DEPDC5: variants seen among roughly 807,000 people sequenced by gnomAD.
The protein encoded by DEPDC5 is DEP domain containing 5, GATOR1 subcomplex subunit, also known as GATOR1 complex protein DEPDC5.
DEPDC5 carries 73 observed loss-of-function variants against 217.3 expected under a neutral mutation model. The ratio of observed to expected loss-of-function variants is 0.34; its 90% confidence interval spans 0.28 to 0.41. DEPDC5 has a LOEUF of 0.41. Among genes scored for constraint, DEPDC5 ranks in the 10% least tolerant of loss-of-function variants. DEPDC5 has a pLI of 1.00. For missense variants in DEPDC5, 1,675 were observed against 2,070.1 expected (o/e 0.81, Z 3.70); for synonymous variants, 733 against 756.7 (o/e 0.97, Z 0.51).
intron 38 of DEPDC5, among the ~76,000 whole-genome samples, chr22:31,891,620 G>A (rs113222174): frequency 8.5e-5 from 13 of 152,254 alleles, no homozygotes; most frequent in African/African-American, 2.9e-4. Context: ...ACCCACTCAG[G>A]GCTTCTATCT....
intron 8 of DEPDC5, among the ~76,000 whole-genome samples, chr22:31,783,229 A>G (rs1000372482): frequency 6.6e-5 from 10 of 152,222 alleles, no homozygotes; most frequent in African/African-American, 2.2e-4. Context: ...CCCAGCCAGC[A>G]GCGGCAGCCC....
At chr22:31,784,018 AG>A in intron 9 of DEPDC5, 33 bp downstream of exon 9, 1 of 1,569,612 alleles carries the variant, frequency 6.4e-7, no homozygotes, top group Non-Finnish European at 8.6e-7. Context: ...GTAACTGCTA[AG>A]GGGAGAATTT....
Position 31,808,932 on chromosome 22 carries a change from A to AAT in DEPDC5, c.1288-667_1288-666dup, listed in dbSNP as rs971102846. ...AAGTTTTCAGGGTCCTGAAAGATTAAATATATATATATAAAAATAGAGATG... is the reference window on the plus strand; with the variant it reads ...AAGTTTTCAGGGTCCTGAAAGATTAAATATATATATATATAAAAATAGAGATG... On this transcript the variant is annotated intron_variant, in intron 18 of 42. Coordinates refer to ENST00000651528, the MANE Select transcript of DEPDC5 (RefSeq NM_001242896.3). 6.9e-4 allele frequency among the ~76,000 whole-genome samples: 104 copies of AAT among 151,808 alleles called. 1 individual carries two copies. Among genetic ancestry groups the AAT allele is most frequent in the African/African-American group, 2.3e-3 (96 of 41,408 alleles).
At chr22:31,882,357 G>A (rs1035825829) in intron 38 of DEPDC5, among the ~76,000 whole-genome samples, 1 of 152,146 alleles carries the variant, frequency 6.6e-6, no homozygotes, top group East Asian at 1.9e-4. Context: ...TCCCCTCGGG[G>A]TTACTTTCTG....
At chr22:31,837,362 T>C (rs1049104373) in intron 26 of DEPDC5, 179 of 619,574 alleles carry the variant, frequency 2.9e-4, no homozygotes, top group Non-Finnish European at 4.2e-4. Context: ...CTTTTTTTTT[T>C]TTAACTGAGA....
intron 7 of DEPDC5, among the ~76,000 whole-genome samples, chr22:31,771,030 T>G (rs1290441702): frequency 1.3e-5 from 2 of 152,046 alleles, no homozygotes; most frequent in African/African-American, 4.8e-5. Context: ...TGATCCCGCC[T>G]CCTCAGCCTC....
In DEPDC5 at chr22:31,906,774, G is replaced by T. The variant is rs1461224149; in HGVS notation, c.*277G>T. On this transcript the variant is annotated 3_prime_UTR_variant, in exon 43 of 43. Transcript: ENST00000651528. This position sits in a 1 kb window ranked among gnomAD's most constrained non-coding sequence, Gnocchi z 5.1. ...CAGGTGGGAGGCACAGATTGTCCGT[G>T]GGAGGGCTCCAGTGTCTGGGAAGAG... 3.8e-6 allele frequency: 2 copies of T among 531,296 alleles called. No homozygotes were observed. Among genetic ancestry groups the T allele is most frequent in the Non-Finnish European group, 6.7e-6 (2 of 297,416 alleles). The allele number at this position is 531,296 out of a possible 1,614,324, so 32.9% of individuals were successfully genotyped here.
chr22:31,774,085 A>G (rs758194159), intron 7 of DEPDC5, among the ~76,000 whole-genome samples: 21 of 152,116 alleles, frequency 1.4e-4, no homozygotes, highest in Admixed American at 3.3e-4. Context: ...AAAACAAAAC[A>G]AAACAACAAC....
In DEPDC5 at chr22:31,843,567, A is replaced by T. The variant is rs564183216; in HGVS notation, c.2634-78A>T. ...AAATGTCAAGGATGGTTCTAAGTGT[A>T]TAGAGATAGAAAATAAGAATTGGCA... On this transcript the variant is annotated intron_variant, in intron 28 of 42. Coordinates refer to ENST00000651528, the MANE Select transcript of DEPDC5 (RefSeq NM_001242896.3). 625 of 1,516,078 alleles carry T rather than the reference A, an allele frequency of 4.1e-4. 1 individual carries two copies. Among genetic ancestry groups the T allele is most frequent in the South Asian group, 7.4e-4 (59 of 79,350 alleles). The allele number at this position is 1,516,078 out of a possible 1,614,324, so 93.9% of individuals were successfully genotyped here.
chr22:31,858,177 A>G (rs2092376417), intron 32 of DEPDC5: 1 of 152,252 alleles, frequency 6.6e-6, no homozygotes, highest in Non-Finnish European at 1.5e-5. Context: ...CCAGAGGGGA[A>G]TAGAAAGCTA....
At chr22:31,814,834 G>A in intron 20 of DEPDC5, 158 bp from the exon 21 acceptor site, 1 of 667,480 alleles carries the variant, frequency 1.5e-6, no homozygotes, top group Non-Finnish European at 2.6e-6. Context: ...AAGCTGTTAA[G>A]GGTGAAGTAC....
chr22:31,814,875 C>T, intron 20 of DEPDC5, 117 bp from the exon 21 acceptor site: 1 of 1,063,428 alleles, frequency 9.4e-7, no homozygotes, highest in Non-Finnish European at 1.4e-6. Flanking sequence ...GTAGATCACA[C>T]TGGGGATTTT....
chr22:31,776,693 C>T (rs2148305345), intron 7 of DEPDC5, among the ~76,000 whole-genome samples: 1 of 149,622 alleles, frequency 6.7e-6, no homozygotes, highest in South Asian at 2.1e-4. Flanking sequence ...TCTGCCTCAG[C>T]TTCCTGAGAA....
intron 38 of DEPDC5, among the ~76,000 whole-genome samples, chr22:31,884,547 T>C (rs963981836): frequency 5.9e-5 from 9 of 152,176 alleles, no homozygotes; most frequent in Non-Finnish European, 1.0e-4. Context: ...TGGCTCTCCT[T>C]CTTCATTTTA....
intron 10 of DEPDC5, among the ~76,000 whole-genome samples, chr22:31,788,929 C>A (rs766617313): frequency 3.3e-5 from 5 of 152,064 alleles, no homozygotes; most frequent in Non-Finnish European, 7.4e-5. Flanking sequence ...CTCGCTCTGT[C>A]GCCCAGACTG....
chr22:31,777,634 GT>G (rs2071160847), intron 7 of DEPDC5, among the ~76,000 whole-genome samples: 1 of 152,046 alleles, frequency 6.6e-6, no homozygotes, highest in South Asian at 2.1e-4. Flanking sequence ...TAGTATGAGA[GT>G]TCTTTATATT....
chr22:31,820,648 G>T (rs1045075747), intron 22 of DEPDC5, among the ~76,000 whole-genome samples: 1 of 151,996 alleles, frequency 6.6e-6, no homozygotes, highest in African/African-American at 2.4e-5. Context: ...TGTCTCCACT[G>T]GTTCCCTTCC....
intron 20 of DEPDC5, among the ~76,000 whole-genome samples, chr22:31,811,970 T>C (rs760340251): frequency 6.6e-6 from 1 of 152,172 alleles, no homozygotes; most frequent in African/African-American, 2.4e-5. Context: ...TCAAATACTT[T>C]ATAGTCTTGG....
At chr22:31,861,541 G>T in intron 33 of DEPDC5, 108 bp downstream of exon 33, 1 of 1,200,196 alleles carries the variant, frequency 8.3e-7, no homozygotes. Context: ...TAAGTTTGGG[G>T]GGCAGTTGAA....
Sources: allele counts gnomAD v4.1 joint callset (sites outside exome capture counted in the v4.1 genomes callset), GRCh38; gene constraint gnomAD v4.1.1; non-coding constraint Gnocchi (gnomAD v3.1); transcripts MANE v1.5; gene names NCBI Gene and HGNC (gene_info 2026-07-23, HGNC 2026-07-21).